LHFPL6: variants seen among roughly 807,000 people sequenced by gnomAD.
The protein encoded by LHFPL6 is LHFPL tetraspan subfamily member 6, also known as LHFPL tetraspan subfamily member 6 protein.
Under a neutral mutation model 20.6 loss-of-function variants are expected in LHFPL6, and 9 were observed. The ratio of observed to expected loss-of-function variants is 0.44; its 90% CI spans 0.26 to 0.76. The LOEUF is 0.76. Among genes scored for constraint, LHFPL6 ranks in the 30% least tolerant of loss-of-function variants. LHFPL6 has a pLI of 0.20. For synonymous variants in LHFPL6, 105 were observed against 98.7 expected (o/e 1.06, Z -0.38); for missense variants, 218 against 253.5 (o/e 0.86, Z 0.95).
At chr13:39,445,263 T>C (rs1373214374) in intron 2 of LHFPL6, among the ~76,000 whole-genome samples, 2 of 152,258 alleles carry the variant, frequency 1.3e-5, no homozygotes, top group South Asian at 2.1e-4. Context: ...TCCCTTTACC[T>C]TGATAACTTA....
chr13:39,582,044 A>AT (rs529761949), intron 2 of LHFPL6, among the ~76,000 whole-genome samples: 14 of 152,302 alleles, frequency 9.2e-5, no homozygotes, highest in African/African-American at 3.4e-4. Flanking sequence ...CCAACTGTCC[A>AT]TTTGGCCTTC....
intron 2 of LHFPL6, among the ~76,000 whole-genome samples, chr13:39,393,218 T>C (rs922882932): frequency 2.0e-5 from 3 of 152,206 alleles, no homozygotes; most frequent in Non-Finnish European, 2.9e-5. Context: ...GAGAAAACAG[T>C]ACTGATTAAT....
At chr13:39,540,884 CT>C (rs1409454066) in intron 2 of LHFPL6, among the ~76,000 whole-genome samples, 1 of 152,124 alleles carries the variant, frequency 6.6e-6, no homozygotes, top group African/African-American at 2.4e-5. Context: ...AACATTTTTT[CT>C]CTCAAACATT....
At chr13:39,437,128 G>A (rs1871979301) in intron 2 of LHFPL6, among the ~76,000 whole-genome samples, 1 of 152,146 alleles carries the variant, frequency 6.6e-6, no homozygotes, top group South Asian at 2.1e-4. Context: ...CATATTATTA[G>A]TATCGTTGCT....
At chr13:39,429,875 A>G (rs1871741180) in intron 2 of LHFPL6, among the ~76,000 whole-genome samples, 1 of 152,192 alleles carries the variant, frequency 6.6e-6, no homozygotes, top group Non-Finnish European at 1.5e-5. Context: ...TCTCTGCAGC[A>G]TTTGACATAT....
At chr13:39,568,703 ATC>A (rs1390678199) in intron 2 of LHFPL6, among the ~76,000 whole-genome samples, 1 of 152,188 alleles carries the variant, frequency 6.6e-6, no homozygotes, top group African/African-American at 2.4e-5. Flanking sequence ...CTTCCTGCCC[ATC>A]TCAGAAGCTC....
intron 2 of LHFPL6, among the ~76,000 whole-genome samples, chr13:39,431,036 A>G (rs1251985187): frequency 6.6e-6 from 1 of 152,152 alleles, no homozygotes; most frequent in African/African-American, 2.4e-5. Flanking sequence ...TCACTCCTGA[A>G]GTCAGAGAGA....
chr13:39,585,492 G>A (rs1548273), intron 2 of LHFPL6, among the ~76,000 whole-genome samples: 139,571 of 152,260 alleles, frequency 0.92, 64,494 homozygotes, highest in Non-Finnish European at 0.98. Context: ...ACTCTAATAC[G>A]TAGCTGTAAC....
intron 3 of LHFPL6, among the ~76,000 whole-genome samples, chr13:39,353,392 C>G (rs750986817): frequency 6.6e-6 from 1 of 152,054 alleles, no homozygotes; most frequent in South Asian, 2.1e-4. Context: ...AGAAGTAAAA[C>G]GGCTGAGAGA....
At chr13:39,518,910 A>C (rs1159166856) in intron 2 of LHFPL6, among the ~76,000 whole-genome samples, 1 of 152,228 alleles carries the variant, frequency 6.6e-6, no homozygotes, top group East Asian at 1.9e-4. Flanking sequence ...TGAGTTAATA[A>C]GCCAGATATT....
intron 2 of LHFPL6, among the ~76,000 whole-genome samples, chr13:39,492,161 T>C (rs1868947089): frequency 6.6e-6 from 1 of 152,196 alleles, no homozygotes; most frequent in South Asian, 2.1e-4. Flanking sequence ...ATTGTGAATA[T>C]GAAGTCTAGA....
intron 2 of LHFPL6, among the ~76,000 whole-genome samples, chr13:39,433,933 G>A (rs1279968272): frequency 6.6e-6 from 1 of 152,138 alleles, no homozygotes; most frequent in African/African-American, 2.4e-5. Context: ...TCCTGCTCCT[G>A]TTTCCCTGGC....
chr13:39,425,444 A>G (rs1279832758), intron 2 of LHFPL6, among the ~76,000 whole-genome samples: 1 of 152,218 alleles, frequency 6.6e-6, no homozygotes, highest in Non-Finnish European at 1.5e-5. Context: ...TAGGAGTGGA[A>G]TGGTTGAGCC....
At chr13:39,369,431 A>T (rs1033055195) in intron 3 of LHFPL6, among the ~76,000 whole-genome samples, 7 of 151,986 alleles carry the variant, frequency 4.6e-5, no homozygotes, top group African/African-American at 9.7e-5. Context: ...TGGTTTTTAA[A>T]TTTTTTTTTG....
intron 2 of LHFPL6, among the ~76,000 whole-genome samples, chr13:39,431,915 A>C (rs1871823263): frequency 1.3e-5 from 2 of 151,878 alleles, no homozygotes; most frequent in South Asian, 2.1e-4. Context: ...CTATGGTCTG[A>C]ATGTGTGCCC....
intron 2 of LHFPL6, among the ~76,000 whole-genome samples, chr13:39,561,008 G>A (rs899779401): frequency 2.6e-5 from 4 of 151,864 alleles, no homozygotes; most frequent in African/African-American, 4.8e-5. Flanking sequence ...TCTGGCCATC[G>A]TCCCATCACC....
At chr13:39,576,422 T>C (rs1166030836) in intron 2 of LHFPL6, among the ~76,000 whole-genome samples, 1 of 152,222 alleles carries the variant, frequency 6.6e-6, no homozygotes, top group Non-Finnish European at 1.5e-5. Context: ...ATTAAATAGC[T>C]GTTCTCCCTA....
At chr13:39,528,717 C>T (rs1870368748) in intron 2 of LHFPL6, among the ~76,000 whole-genome samples, 1 of 152,208 alleles carries the variant, frequency 6.6e-6, no homozygotes, top group African/African-American at 2.4e-5. Context: ...GGCTACAATT[C>T]TTACACTTGT....
intron 2 of LHFPL6, among the ~76,000 whole-genome samples, chr13:39,537,773 C>T (rs1216672823): frequency 6.6e-6 from 1 of 152,028 alleles, no homozygotes; most frequent in African/African-American, 2.4e-5. Context: ...AGGCCTACCC[C>T]CATTCTGCTA....
Sources: gnomAD v4.1 joint callset for allele counts (sites outside exome capture counted in the v4.1 genomes callset) on GRCh38, gnomAD v4.1.1 for gene constraint, MANE v1.5 for transcripts, NCBI Gene and HGNC (gene_info 2026-07-23, HGNC 2026-07-21) for gene names.